Variants in FHAD1 observed in about 807,000 individuals in gnomAD.
FHAD1 encodes the protein forkhead-associated domain-containing protein 1.
A neutral mutation model predicts 191.3 loss-of-function variants in FHAD1; 146 were observed. The observed-to-expected ratio is 0.76, with a 90% CI of 0.67 to 0.88. FHAD1 has a LOEUF of 0.88. Ranked by LOEUF, FHAD1 falls within the 40% of genes least tolerant of loss-of-function variation. The pLI is 0.00. For missense variants in FHAD1, 1,635 were observed against 1,785.8 expected, an observed-to-expected ratio of 0.92 and a Z score of 1.52; for synonymous variants, 616 against 672.3, an observed-to-expected ratio of 0.92 and a Z score of 1.29.
upstream of FHAD1, among the ~76,000 whole-genome samples, chr1:15,247,046 C>T (rs1020610151): frequency 1.3e-5 from 2 of 152,224 alleles, no homozygotes; most frequent in African/African-American, 4.8e-5. Context: ...AAACCTTGGG[C>T]CATTTCTGTG....
intron 8 of FHAD1, 36 bp downstream of exon 8, chr1:15,313,223 C>A (rs1348251806): frequency 1.3e-6 from 2 of 1,534,024 alleles, no homozygotes; most frequent in East Asian, 2.5e-5. Flanking sequence ...TGTAGCCATC[C>A]GGTGAAAAGC....
chr1:15,261,196 T>C (rs1573740862), intron 2 of FHAD1, among the ~76,000 whole-genome samples: 1 of 152,182 alleles, frequency 6.6e-6, no homozygotes, highest in Admixed American at 6.5e-5. Context: ...TCAGCAACCC[T>C]ACAAGTTAGG....
chr1:15,398,783 C>CT (rs1706737331), downstream of FHAD1, among the ~76,000 whole-genome samples: 4 of 114,148 alleles, frequency 3.5e-5, no homozygotes, highest in Non-Finnish European at 8.0e-5. Flanking sequence ...GGCCAGGCAG[C>CT]CAAAAAAAAA....
At chr1:15,383,898 A>G in intron 31 of FHAD1, 1 of 443,970 alleles carries the variant, frequency 2.3e-6, no homozygotes, top group Non-Finnish European at 4.5e-6. Context: ...GATCCCTCTG[A>G]CCCTGGTTCT....
intron 26 of FHAD1, among the ~76,000 whole-genome samples, chr1:15,370,425 G>A (rs192726975): frequency 1.2e-4 from 18 of 152,352 alleles, no homozygotes; most frequent in East Asian, 9.6e-4. Flanking sequence ...AAATGGTTGT[G>A]TAGAATTCCA....
chr1:15,292,131 CT>C (rs1248359222), intron 4 of FHAD1, among the ~76,000 whole-genome samples: 2 of 151,410 alleles, frequency 1.3e-5, no homozygotes, highest in Non-Finnish European at 2.9e-5. Context: ...TTCTTTCTTC[CT>C]TCCTTCTTTT....
chr1:15,369,484 C>G lies in FHAD1; in HGVS notation c.3429C>G (p.Ala1143=), dbSNP rs1331900292. The change falls in exon 26 of 34, where the codon GCC becomes GCG. Residue 1143 remains alanine, a synonymous_variant. Transcript: ENST00000688493. ...SVQIEPVHTE[A]FSSSQEQQSF... is the part of the protein sequence containing the mutation. ...AGATAGAACCCGTCCACACTGAGGC[C>G]TTCTCCAGCAGCCAAGAGGTGAGTG... 3.2e-6 allele frequency: 5 copies of G among 1,551,716 alleles called. No homozygotes were observed. Among genetic ancestry groups the G allele is most frequent in the Non-Finnish European group, 3.5e-6 (4 of 1,147,004 alleles).
intron 28 of FHAD1, among the ~76,000 whole-genome samples, chr1:15,379,456 C>G (rs1001925035): frequency 1.3e-5 from 2 of 152,342 alleles, no homozygotes; most frequent in Admixed American, 6.5e-5. Context: ...GGTTTTATAC[C>G]GAGACATTCC....
In FHAD1 at chr1:15,382,081, A is replaced by T; in HGVS notation, c.4076A>T (p.Asp1359Val). 6.4e-7 allele frequency: 1 copy of T among 1,552,114 alleles called. No homozygotes were observed. Among genetic ancestry groups the T allele is most frequent in the Non-Finnish European group, 8.7e-7 (1 of 1,147,104 alleles). ...CAGTCGCAGGTGGCAAAGCTGGAGG[A>T]TGATATCTACAAAGAGGCCGAAGAG... ...MYQSQVAKLE[D>V]DIYKEAEEKA... is the part of the protein sequence containing the mutation. The change falls in exon 31 of 34, where the codon GAT becomes GTT. Residue 1359 changes from aspartate (D) to valine (V), a missense_variant. Physicochemically the swap from Asp to Val is radical, Grantham distance 152 (BLOSUM62 -3). Transcript: ENST00000688493.
At chr1:15,239,848 C>T (rs1645158752) in intron 1 of FHAD1, among the ~76,000 whole-genome samples, 1 of 151,358 alleles carries the variant, frequency 6.6e-6, no homozygotes, top group Non-Finnish European at 1.5e-5. Context: ...TAGATTGGTA[C>T]CAGCGCTTTG....
At chr1:15,323,289 G>T (rs553928692) in intron 10 of FHAD1, among the ~76,000 whole-genome samples, 1 of 152,194 alleles carries the variant, frequency 6.6e-6, no homozygotes, top group East Asian at 1.9e-4. Flanking sequence ...AGCTGGGGCT[G>T]GGGGCGGGGA....
chr1:15,345,683 CAAG>C (rs936891343), intron 18 of FHAD1, 160 bp downstream of exon 18: 26 of 635,296 alleles, frequency 4.1e-5, no homozygotes, highest in Non-Finnish European at 5.9e-5. Flanking sequence ...GTGGGAGACT[CAAG>C]GAGGGAACCC....
In FHAD1 at chr1:15,367,675, C is replaced by T. The variant is rs149772121; in HGVS notation, c.3314+53C>T. ...GGATGGTTTGCCTGCCGTGGGGAGCCGCTGAGTATTGCAGAGAGAGGGCTC... is the reference window on the plus strand; with the variant it reads ...GGATGGTTTGCCTGCCGTGGGGAGCTGCTGAGTATTGCAGAGAGAGGGCTC... On this transcript the variant is annotated intron_variant, in intron 25 of 33. Transcript: ENST00000688493. 1.7e-5 allele frequency: 25 copies of T among 1,454,436 alleles called. 2 individuals carry two copies. In the South Asian group the frequency reaches 2.3e-4, roughly 13 times the overall value. The allele number at this position is 1,454,436 out of a possible 1,614,324, so 90.1% of individuals were successfully genotyped here.
intron 25 of FHAD1, 140 bp downstream of exon 25, chr1:15,367,762 C>A: frequency 1.4e-6 from 1 of 729,220 alleles, no homozygotes; most frequent in Non-Finnish European, 2.2e-6. Context: ...TTGGCTTATT[C>A]TGTGCTTCTC....
At chr1:15,344,652 A>G (rs1688141897) in intron 16 of FHAD1, among the ~76,000 whole-genome samples, 1 of 152,244 alleles carries the variant, frequency 6.6e-6, no homozygotes, top group Non-Finnish European at 1.5e-5. Context: ...CAAATGGGTC[A>G]GAGTTAGAAT....
At chr1:15,317,244 C>T (rs1247350572) in intron 9 of FHAD1, among the ~76,000 whole-genome samples, 1 of 152,122 alleles carries the variant, frequency 6.6e-6, no homozygotes, top group African/African-American at 2.4e-5. Context: ...AAAATAAATA[C>T]AATGAAAATA....
intron 9 of FHAD1, among the ~76,000 whole-genome samples, chr1:15,317,443 G>T (rs1674840720): frequency 6.6e-6 from 1 of 152,106 alleles, no homozygotes; most frequent in East Asian, 1.9e-4. Flanking sequence ...ACATTTCATT[G>T]TTCCGTTCTT....
Position 15,329,202 on chromosome 1 carries a change from A to G in FHAD1, c.1711-144A>G, listed in dbSNP as rs375225930. 354 of 607,308 alleles carry G rather than the reference A, an allele frequency of 5.8e-4. 7 individuals are homozygous for G. In the South Asian group the frequency reaches 0.013, roughly 22 times the overall value. The allele number at this position is 607,308 out of a possible 1,614,324, so 37.6% of individuals were successfully genotyped here. ...TCAAAACATAAAAATTTTAAAAAAGAAAAAAACTGAGTCCTCCCAAGGCGG... is the reference window on the plus strand; with the variant it reads ...TCAAAACATAAAAATTTTAAAAAAGGAAAAAACTGAGTCCTCCCAAGGCGG... On this transcript the variant is annotated intron_variant, in intron 13 of 33. Transcript: ENST00000688493. This position sits in a 1 kb window ranked among gnomAD's most constrained non-coding sequence, Gnocchi z 5.0.
intron 20 of FHAD1, among the ~76,000 whole-genome samples, chr1:15,355,657 A>G (rs1331808687): frequency 6.6e-6 from 1 of 152,172 alleles, no homozygotes; most frequent in Non-Finnish European, 1.5e-5. Context: ...GCTGTACGTG[A>G]CAAGCTACTC....
Sources: allele counts gnomAD v4.1 joint callset (sites outside exome capture counted in the v4.1 genomes callset), GRCh38; gene constraint gnomAD v4.1.1; non-coding constraint Gnocchi (gnomAD v3.1); transcripts MANE v1.5; gene names NCBI Gene and HGNC (gene_info 2026-07-23, HGNC 2026-07-21).